MICAL2: variants seen among roughly 807,000 people sequenced by gnomAD.
The protein encoded by MICAL2 is microtubule associated monooxygenase, calponin and LIM domain containing 2, also known as [F-actin]-monooxygenase MICAL2.
Under a neutral mutation model 127.3 loss-of-function variants are expected in MICAL2, and 77 were observed. That is an observed-to-expected ratio of 0.60 (90% CI 0.50 to 0.73). MICAL2 has a LOEUF of 0.73. Ranked by LOEUF, MICAL2 falls within the 30% of genes least tolerant of loss-of-function variation. The pLI is 0.00. For missense variants in MICAL2, 1,351 were observed against 1,434.4 expected, an observed-to-expected ratio of 0.94 and a Z score of 0.94; for synonymous variants, 570 against 551.1, an observed-to-expected ratio of 1.03 and a Z score of -0.48.
At chr11:12,332,014 G>A (rs1217357965) in intron 32 of MICAL2, among the ~76,000 whole-genome samples, 1 of 152,098 alleles carries the variant, frequency 6.6e-6, no homozygotes, top group Non-Finnish European at 1.5e-5. Flanking sequence ...TTGCATGCCT[G>A]ATCCAAACAA....
At chr11:12,294,502 T>G (rs1413296692), downstream of MICAL2, 3 of 1,614,176 alleles carry the variant, frequency 1.9e-6, no homozygotes, top group South Asian at 1.1e-5. Context: ...AGGTCTTTCC[T>G]GCACTTAGGT....
chr11:12,312,506 A>C (rs1864185693), intron 29 of MICAL2, among the ~76,000 whole-genome samples: 1 of 152,138 alleles, frequency 6.6e-6, no homozygotes, highest in Non-Finnish European at 1.5e-5. Flanking sequence ...GAAAAATATT[A>C]CTTAATTTTG....
At chr11:12,258,954 C>T (rs1862722287) in intron 25 of MICAL2, among the ~76,000 whole-genome samples, 2 of 152,242 alleles carry the variant, frequency 1.3e-5, no homozygotes, top group Non-Finnish European at 2.9e-5. Flanking sequence ...TTTCCAAGTC[C>T]TCTCCCAGGC....
At position 12,354,172 on chromosome 11, in the gene MICAL2, C is replaced by T. The variant is rs368281151; in HGVS notation, c.5616-612C>T. Among the ~76,000 whole-genome samples, 5 of 152,304 alleles carry T rather than the reference C, an allele frequency of 3.3e-5. No individual in the cohort carries two copies. The East Asian group carries it at 9.7e-4, about 29-fold the overall frequency. ...TTCAGAGATCCCAGCAGTAGCAGAA[C>T]CTTCAGTTTAAAGACAGGCTAAGGC... is the stretch of plus-strand genomic sequence containing the variant. On this transcript the variant is annotated intron_variant, in intron 33 of 34. Transcript: ENST00000646065.
intron 3 of MICAL2, among the ~76,000 whole-genome samples, chr11:12,173,209 T>C (rs999895421): frequency 6.6e-6 from 1 of 152,224 alleles, no homozygotes; most frequent in Non-Finnish European, 1.5e-5. Context: ...CTATCGGTCT[T>C]ACAGTCTTAA....
chr11:12,123,030 G>A (rs1850636274), intron 1 of MICAL2, among the ~76,000 whole-genome samples: 1 of 151,900 alleles, frequency 6.6e-6, no homozygotes, highest in Non-Finnish European at 1.5e-5. Flanking sequence ...CCACCCAATA[G>A]CTCTTCAGAA....
exon 3 of MICAL2, chr11:12,287,138 AGAACTG>A: frequency 2.5e-6 from 1 of 398,942 alleles, no homozygotes; most frequent in Non-Finnish European, 4.4e-6. Flanking sequence ...AGCAAATACC[AGAACTG>A]GAGGAGAGAA....
intron 1 of MICAL2, among the ~76,000 whole-genome samples, chr11:12,137,510 C>G (rs1484527607): frequency 6.6e-6 from 1 of 152,190 alleles, no homozygotes; most frequent in African/African-American, 2.4e-5. Context: ...TAGGCTGTCT[C>G]CCATTAACGG....
At chr11:12,308,400 G>A (rs182493554) in intron 29 of MICAL2, among the ~76,000 whole-genome samples, 192 of 152,150 alleles carry the variant, frequency 1.3e-3, no homozygotes, top group African/African-American at 4.4e-3. Flanking sequence ...CCATGAAAAT[G>A]GTGTATCTCT....
intron 1 of MICAL2, among the ~76,000 whole-genome samples, chr11:12,115,072 A>G (rs759021636): frequency 6.6e-6 from 1 of 152,220 alleles, no homozygotes; most frequent in Non-Finnish European, 1.5e-5. Flanking sequence ...TGTGCCTTCC[A>G]GAGCCTTCTC....
chr11:12,111,452 C>T (rs1404166201), intron 1 of MICAL2, among the ~76,000 whole-genome samples: 3 of 152,250 alleles, frequency 2.0e-5, no homozygotes, highest in African/African-American at 7.2e-5. Flanking sequence ...AGCGTCTAAG[C>T]CGCTGCCGGG....
chr11:12,219,683 G>A lies in MICAL2; in HGVS notation c.949-518G>A, dbSNP rs183331716. 6.6e-5 allele frequency among the ~76,000 whole-genome samples: 10 copies of A among 151,996 alleles called. No homozygotes were observed. The South Asian group carries it at 8.3e-4, about 13-fold the overall frequency. Reference sequence around the variant, plus strand: ...AACATGGCATATTTGGATCATACTCGCTTAGCTGAATTTATTATAAAATCA... The same window carrying A: ...AACATGGCATATTTGGATCATACTCACTTAGCTGAATTTATTATAAAATCA... On this transcript the variant is annotated intron_variant, in intron 8 of 27. Transcript: ENST00000683283.
intron 2 of MICAL2, among the ~76,000 whole-genome samples, chr11:12,157,617 A>G (rs1041962865): frequency 1.3e-5 from 2 of 152,192 alleles, no homozygotes; most frequent in Admixed American, 6.5e-5. Context: ...TCTATTGCAT[A>G]TCAAACCTCA....
At chr11:12,330,752 C>T (rs1565307209) in intron 32 of MICAL2, among the ~76,000 whole-genome samples, 1 of 148,252 alleles carries the variant, frequency 6.7e-6, no homozygotes, top group Non-Finnish European at 1.5e-5. Flanking sequence ...AATAATCCAC[C>T]CCAGATGACA....
intron 2 of MICAL2, 198 bp from the exon 3 acceptor site, chr11:12,161,881 T>C (rs1002172909): frequency 2.7e-5 from 13 of 485,850 alleles, no homozygotes; most frequent in African/African-American, 2.1e-4. Flanking sequence ...GGGGAAGAGA[T>C]TACCTGCAAT....
intron 34 of MICAL2, among the ~76,000 whole-genome samples, chr11:12,355,253 T>C (rs1288394642): frequency 5.9e-5 from 9 of 152,054 alleles, no homozygotes; most frequent in Admixed American, 5.9e-4. Context: ...TTCAGTGAGA[T>C]GAAGGCCACA....
chr11:12,238,871 T>A (rs7110638), intron 16 of MICAL2, among the ~76,000 whole-genome samples: 43,626 of 151,888 alleles, frequency 0.29, 8,111 homozygotes, highest in East Asian at 0.77. Context: ...TAAATTAAAA[T>A]TTTTCTTTAA....
chr11:12,313,834 G>C (rs938228438), intron 29 of MICAL2, among the ~76,000 whole-genome samples: 34 of 151,768 alleles, frequency 2.2e-4, no homozygotes, highest in African/African-American at 8.0e-4. Context: ...GCTTTATATA[G>C]TTTGAGGCTA....
At chr11:12,133,004 A>G (rs1851545933) in intron 1 of MICAL2, among the ~76,000 whole-genome samples, 1 of 151,982 alleles carries the variant, frequency 6.6e-6, no homozygotes, top group Non-Finnish European at 1.5e-5. Context: ...GCTGCAGGAG[A>G]GGTGGGTGGT....
Sources: allele counts gnomAD v4.1 joint callset (sites outside exome capture counted in the v4.1 genomes callset), GRCh38; gene constraint gnomAD v4.1.1; transcripts MANE v1.5; gene names NCBI Gene and HGNC (gene_info 2026-07-23, HGNC 2026-07-21).